MAPKAP1: variants seen among roughly 807,000 people sequenced by gnomAD.
MAPKAP1 encodes target of rapamycin complex 2 subunit MAPKAP1.
A neutral mutation model predicts 65.7 loss-of-function variants in MAPKAP1; 20 were observed. The observed-to-expected ratio is 0.30, with a 90% CI of 0.21 to 0.44. MAPKAP1 has a LOEUF of 0.44. Among genes scored for constraint, MAPKAP1 ranks in the 20% least tolerant of loss-of-function variants. The pLI is 1.00. For synonymous variants in MAPKAP1, 222 were observed against 244.3 expected (o/e 0.91, Z 0.85); for missense variants, 423 against 648.0 (o/e 0.65, Z 3.77).
chr9:125,459,855 G>GAAA (rs1564518481), intron 10 of MAPKAP1, among the ~76,000 whole-genome samples: 1 of 14,064 alleles, frequency 7.1e-5, no homozygotes, highest in African/African-American at 5.9e-4. Context: ...GGAGACCGTG[G>GAAA]GGAGAGGGAG....
At chr9:125,440,181 G>C (rs1852428508) in intron 11 of MAPKAP1, among the ~76,000 whole-genome samples, 1 of 152,230 alleles carries the variant, frequency 6.6e-6, no homozygotes, top group African/African-American at 2.4e-5. Flanking sequence ...TGTGAAATCA[G>C]TGGTGGCAAC....
At chr9:125,643,168 G>A (rs1833627788) in intron 4 of MAPKAP1, among the ~76,000 whole-genome samples, 1 of 149,380 alleles carries the variant, frequency 6.7e-6, no homozygotes, top group Non-Finnish European at 1.5e-5. Flanking sequence ...CCAAAGTGCT[G>A]GGATTACTGA....
intron 4 of MAPKAP1, among the ~76,000 whole-genome samples, chr9:125,655,232 T>C (rs901675100): frequency 1.3e-5 from 2 of 152,004 alleles, no homozygotes; most frequent in African/African-American, 4.8e-5. Flanking sequence ...ATTTCTTAAA[T>C]ATGAGCCGAA....
Position 125,595,691 on chromosome 9 carries a change from G to T in MAPKAP1, c.499-9964C>A. 6.4e-7 allele frequency: 1 copy of T among 1,551,482 alleles called. No homozygotes were observed. ...CCGTCCTAAGTCAGAGTCTCCTAAA[G>T]AGCCGGAACAGCTAAGGAATCTCTT... On this transcript the variant is annotated intron_variant, in intron 4 of 11. Coordinates refer to ENST00000265960, the MANE Select transcript of MAPKAP1 (RefSeq NM_001006617.3). This position sits in a 1 kb window ranked among gnomAD's most constrained non-coding sequence, Gnocchi z 4.0.
At chr9:125,548,368 G>A (rs1208206537) in intron 6 of MAPKAP1, among the ~76,000 whole-genome samples, 1 of 152,206 alleles carries the variant, frequency 6.6e-6, no homozygotes, top group Non-Finnish European at 1.5e-5. Context: ...ACAGAGGTGA[G>A]AGGGTCCGGG....
chr9:125,574,423 A>G (rs1255714523), intron 5 of MAPKAP1, among the ~76,000 whole-genome samples: 1 of 152,242 alleles, frequency 6.6e-6, no homozygotes, highest in African/African-American at 2.4e-5. Context: ...CAGAATAGGA[A>G]GGGCCACTTC....
chr9:125,622,142 G>A (rs148880726), intron 4 of MAPKAP1, among the ~76,000 whole-genome samples: 13 of 152,318 alleles, frequency 8.5e-5, no homozygotes, highest in African/African-American at 3.1e-4. Flanking sequence ...GAGAAGTATG[G>A]GGAGATGGGG....
At chr9:125,576,495 TC>T in intron 5 of MAPKAP1, among the ~76,000 whole-genome samples, 1 of 150,776 alleles carries the variant, frequency 6.6e-6, no homozygotes, top group Non-Finnish European at 1.5e-5. Context: ...CCTCTCCCTC[TC>T]CCTCTCCCCA....
In MAPKAP1 at chr9:125,568,336, G is replaced by T. The variant is rs752877635; in HGVS notation, c.672-8527C>A. Among the ~76,000 whole-genome samples the T allele has an allele frequency of 3.3e-5, 5 of 152,266 alleles. 1 individual carries two copies. In the South Asian group the frequency reaches 1.0e-3, roughly 32 times the overall value. On this transcript the variant is annotated intron_variant, in intron 5 of 11. Coordinates refer to ENST00000265960, the MANE Select transcript of MAPKAP1 (RefSeq NM_001006617.3). ...CAGGGTTAGGCATGTACTGGATCGT[G>T]GGATATGAGGAGTTTTTTCCTTCCT...
chr9:125,498,880 C>T (rs1331368500), intron 8 of MAPKAP1, among the ~76,000 whole-genome samples: 1 of 152,144 alleles, frequency 6.6e-6, no homozygotes, highest in South Asian at 2.1e-4. Context: ...TACATCTCCT[C>T]GAGGGCTCTG....
Position 125,447,316 on chromosome 9 carries a change from A to G in MAPKAP1, c.1346-2718T>C. ...CGGTCTGTTTGTCCTTTCCAGTGAA[A>G]GCACTCACGCCATAGGAGAGGGGAA... On this transcript the variant is annotated intron_variant, in intron 10 of 11. Transcript: ENST00000265960. The surrounding 1 kb of genome is among the most constrained non-coding windows in gnomAD (Gnocchi z 4.5). 1 of 435,722 alleles carries G rather than the reference A, an allele frequency of 2.3e-6. No individual in the cohort carries two copies. The highest frequency in any genetic ancestry group is 1.6e-5 in the South Asian group (1 of 61,492). The allele number at this position is 435,722 out of a possible 1,614,324, so 27.0% of individuals were successfully genotyped here. A position where few individuals can be genotyped will look rare whatever the true frequency, so the allele number is the denominator to read the frequency against.
At chr9:125,549,029 G>C (rs1296996658) in intron 6 of MAPKAP1, among the ~76,000 whole-genome samples, 1 of 152,206 alleles carries the variant, frequency 6.6e-6, no homozygotes, top group Non-Finnish European at 1.5e-5. Flanking sequence ...GGGAGTCTTA[G>C]GGACTCGGGG....
chr9:125,673,404 T>A (rs2131803647), intron 1 of MAPKAP1, among the ~76,000 whole-genome samples: 1 of 152,218 alleles, frequency 6.6e-6, no homozygotes, highest in Non-Finnish European at 1.5e-5. Context: ...TTTTGTATTT[T>A]TAGTAGAAAT....
intron 8 of MAPKAP1, among the ~76,000 whole-genome samples, chr9:125,496,431 A>T (rs1039997610): frequency 6.6e-6 from 1 of 152,254 alleles, no homozygotes. Context: ...AGTCATTTTC[A>T]TTTGTAAATA....
intron 4 of MAPKAP1, among the ~76,000 whole-genome samples, chr9:125,617,127 T>C (rs970194886): frequency 2.6e-4 from 40 of 152,250 alleles, no homozygotes; most frequent in African/African-American, 9.4e-4. Flanking sequence ...TTTCATGTTA[T>C]ACCCCAAAAT....
chr9:125,602,682 C>T (rs1832333231), intron 4 of MAPKAP1, among the ~76,000 whole-genome samples: 2 of 152,170 alleles, frequency 1.3e-5, no homozygotes, highest in South Asian at 2.1e-4. Flanking sequence ...CAGGTCACTG[C>T]TGCTGTCATT....
Position 125,480,062 on chromosome 9 carries a change from T to C in MAPKAP1, c.1207+4381A>G, listed in dbSNP as rs141036796. ...CTGTTTGCCTCCCTACTCTTGGCAG[T>C]AGAACGTCTCAGGAAGAAAGAATTT... is the stretch of plus-strand genomic sequence containing the variant. On this transcript the variant is annotated intron_variant, in intron 9 of 11. Coordinates refer to ENST00000265960, the MANE Select transcript of MAPKAP1 (RefSeq NM_001006617.3). 6.6e-5 allele frequency among the ~76,000 whole-genome samples: 10 copies of C among 152,330 alleles called. No individual in the cohort carries two copies. In the East Asian group the frequency reaches 1.9e-3, roughly 29 times the overall value.
rs1217071211 is a variant in MAPKAP1, at chr9:125,672,636, T to C, written c.-62A>G. 6.4e-7 allele frequency: 1 copy of C among 1,562,896 alleles called. No homozygotes were observed. The highest frequency in any genetic ancestry group is 8.7e-7 in the Non-Finnish European group (1 of 1,143,428). On this transcript the variant is annotated 5_prime_UTR_variant, in exon 2 of 12. Transcript: ENST00000265960. ...CTCCTCTTCATATTGTTTCACGAGCTCACCTACCTAGAAACATGATGTACA... is the reference window on the plus strand; with the variant it reads ...CTCCTCTTCATATTGTTTCACGAGCCCACCTACCTAGAAACATGATGTACA...
Position 125,474,448 on chromosome 9 carries a change from C to T in MAPKAP1, c.1208-6339G>A, listed in dbSNP as rs142978139. 5.1e-3 allele frequency among the ~76,000 whole-genome samples: 772 copies of T among 152,312 alleles called. 1 individual carries two copies. Among genetic ancestry groups the T allele is most frequent in the Middle Eastern group, 0.027 (8 of 294 alleles). ...GGAGGCCCTGATTATGCTGGCACAT[C>T]CCCACTGGTGTTATCCTGGGCAAAG... On this transcript the variant is annotated intron_variant, in intron 9 of 11. Transcript: ENST00000265960.
Sources: gnomAD v4.1 joint callset for allele counts (sites outside exome capture counted in the v4.1 genomes callset) on GRCh38, gnomAD v4.1.1 for gene constraint, Gnocchi (gnomAD v3.1) non-coding constraint, MANE v1.5 for transcripts, NCBI Gene and HGNC (gene_info 2026-07-23, HGNC 2026-07-21) for gene names.